The following CEP20 variants were observed in gnomAD, a reference collection of about 807,000 sequenced individuals.
CEP20 encodes the protein FGFR1OP N-terminal like.
Under a neutral mutation model 20.0 loss-of-function variants are expected in CEP20, and 18 were observed. The observed-to-expected ratio is 0.90, with a 90% confidence interval of 0.62 to 1.34. The LOEUF is 1.34. Ranked by LOEUF, CEP20 falls within the 40% of genes most tolerant of loss-of-function variation. CEP20 has a pLI of 0.00. For synonymous variants in CEP20, 77 were observed against 73.7 expected, an observed-to-expected ratio of 1.04 and a Z score of -0.23; for missense variants, 215 against 201.6, an observed-to-expected ratio of 1.07 and a Z score of -0.40.
chr16:15,877,096 C>A (rs1157850691), intron 3 of CEP20: 1 of 152,298 alleles, frequency 6.6e-6, no homozygotes, highest in Admixed American at 6.5e-5. Context: ...TCGTGATCTG[C>A]CCGCCTCGGC....
chr16:15,877,723 G>GGCT (rs2044989384), intron 3 of CEP20, among the ~76,000 whole-genome samples: 2 of 152,112 alleles, frequency 1.3e-5, no homozygotes, highest in Non-Finnish European at 2.9e-5. Flanking sequence ...GCTGCAGTGA[G>GGCT]CCATGATCAA....
intron 2 of CEP20, chr16:15,882,854 T>A (rs1364988474): frequency 7.6e-6 from 1 of 131,822 alleles, no homozygotes; most frequent in African/African-American, 2.9e-5. Flanking sequence ...GTTTTTTTTC[T>A]TTTAAGAGAC....
chr16:15,872,187 G>A (rs938931549), intron 4 of CEP20, among the ~76,000 whole-genome samples: 3 of 151,970 alleles, frequency 2.0e-5, no homozygotes, highest in South Asian at 4.1e-4. Context: ...GGTGATGGGC[G>A]CCTGTAGTCC....
intron 1 of CEP20, among the ~76,000 whole-genome samples, chr16:15,885,350 C>A (rs549912063): frequency 6.6e-6 from 1 of 151,844 alleles, no homozygotes; most frequent in African/African-American, 2.4e-5. Context: ...AAACACAAAC[C>A]TTTGATAATC....
In CEP20 at chr16:15,879,908, G is replaced by A. The variant is rs2045059813; in HGVS notation, c.227-20C>T. ...CAGATTCTGGGAGAAATAAATTCAT[G>A]AGAACACTCAGTCTATTAAACTAAA... On this transcript the variant is annotated intron_variant, in intron 2 of 4. Transcript: ENST00000255759. 2 of 1,502,146 alleles carry A rather than the reference G, an allele frequency of 1.3e-6. No homozygotes were observed. Among genetic ancestry groups the A allele is most frequent in the Admixed American group, 2.1e-5 (1 of 48,582 alleles). The allele number at this position is 1,502,146 out of a possible 1,614,324, so 93.1% of individuals were successfully genotyped here.
chr16:15,879,865 A>G lies in CEP20; in HGVS notation c.250T>C (p.Leu84=). The G allele has an allele frequency of 1.3e-6, 2 of 1,570,586 alleles. No individual in the cohort carries two copies. The highest frequency in any genetic ancestry group is 1.7e-4 in the Middle Eastern group (1 of 5,988). The part of the protein sequence containing the change: ...IAESGQPVVP[L]DRQFLIHELN... ...TCATGGATGAGAAACTGTCTGTCCA[A>G]CGGAACTACAGGTTGACCAGATTCT... The change falls in exon 3 of 5, where the codon TTG becomes CTG. Residue 84 remains leucine, a synonymous_variant. Coordinates refer to ENST00000255759, the MANE Select transcript of CEP20 (RefSeq NM_144600.4).
intron 4 of CEP20, among the ~76,000 whole-genome samples, chr16:15,870,361 G>A (rs2044784668): frequency 1.3e-5 from 2 of 152,072 alleles, no homozygotes; most frequent in African/African-American, 4.8e-5. Flanking sequence ...AACTCATATT[G>A]TCATATATTC....
chr16:15,884,728 T>A (rs1010052044), intron 1 of CEP20, among the ~76,000 whole-genome samples: 11 of 152,032 alleles, frequency 7.2e-5, no homozygotes, highest in Admixed American at 1.3e-4. Context: ...ATGGTCTCAA[T>A]CTCCTGACCT....
At chr16:15,880,007 C>T (rs1567239684) in intron 2 of CEP20, 119 bp from the exon 3 acceptor site, 8 of 685,174 alleles carry the variant, frequency 1.2e-5, no homozygotes, top group Non-Finnish European at 1.7e-5. Context: ...ATGATGACAA[C>T]ACACACCAAG....
At chr16:15,884,508 A>AT (rs1597010386) in intron 1 of CEP20, among the ~76,000 whole-genome samples, 1 of 148,514 alleles carries the variant, frequency 6.7e-6, no homozygotes, top group Non-Finnish European at 1.5e-5. Flanking sequence ...TATTTTATTT[A>AT]TTATTTTTTT....
rs189903085 is a variant in CEP20, at chr16:15,867,607, T to C, written c.449-91A>G. On this transcript the variant is annotated intron_variant, in intron 4 of 4. Transcript: ENST00000255759. ...GCTACAAATATCTTAGGATGTTACA[T>C]ATTTAATATTCTATGAGTACTTTAG... The C allele has an allele frequency of 3.7e-4, 290 of 793,246 alleles. 1 individual carries two copies. In the African/African-American group the frequency reaches 4.2e-3, roughly 11 times the overall value. The allele number at this position is 793,246 out of a possible 1,614,324, so 49.1% of individuals were successfully genotyped here. A position where few individuals can be genotyped will look rare whatever the true frequency, so the allele number is the denominator to read the frequency against.
chr16:15,878,435 G>A (rs1178634549), intron 3 of CEP20, among the ~76,000 whole-genome samples: 2 of 151,980 alleles, frequency 1.3e-5, no homozygotes, highest in Admixed American at 1.3e-4. Flanking sequence ...ATTTGTGGGA[G>A]AGTTAGATTT....
intron 2 of CEP20, 29 bp from the exon 3 acceptor site, chr16:15,879,917 C>G (rs12598817): frequency 0.058 from 83,059 of 1,442,802 alleles, 3,113 homozygotes; most frequent in East Asian, 0.19. Flanking sequence ...TGAGAACACT[C>G]AGTCTATTAA....
intron 1 of CEP20, among the ~76,000 whole-genome samples, chr16:15,887,735 G>C (rs1211532895): frequency 1.3e-5 from 2 of 152,056 alleles, no homozygotes; most frequent in Non-Finnish European, 2.9e-5. Context: ...AACATAACTA[G>C]CTTAGAGTAT....
chr16:15,883,240 G>C (rs1476283910), intron 2 of CEP20, among the ~76,000 whole-genome samples: 1 of 152,092 alleles, frequency 6.6e-6, no homozygotes, highest in East Asian at 1.9e-4. Context: ...GCATGCACCT[G>C]TGGTCCCAGC....
chr16:15,866,634 G>A lies in CEP20; in HGVS notation c.*806C>T, dbSNP rs1479111922. 1 of 152,158 alleles carries A rather than the reference G, an allele frequency of 6.6e-6. No individual in the cohort carries two copies. Among genetic ancestry groups the A allele is most frequent in the Non-Finnish European group, 1.5e-5 (1 of 68,024 alleles). The allele number at this position is 152,158 out of a possible 1,614,324, so 9.4% of individuals were successfully genotyped here. ...GGCTCATCTGTGATTGCACAACCGA[G>A]GGCCACACGGAGATTAAACAATGCC... On this transcript the variant is annotated 3_prime_UTR_variant, in exon 5 of 5. Transcript: ENST00000255759.
At chr16:15,887,007 T>G (rs1031364049) in intron 1 of CEP20, among the ~76,000 whole-genome samples, 3 of 151,850 alleles carry the variant, frequency 2.0e-5, no homozygotes, top group Non-Finnish European at 4.4e-5. Context: ...CAAGCTATCT[T>G]CCTGTTTCAG....
intron 4 of CEP20, among the ~76,000 whole-genome samples, chr16:15,868,801 A>G (rs1289344976): frequency 6.6e-6 from 1 of 152,228 alleles, no homozygotes; most frequent in African/African-American, 2.4e-5. Flanking sequence ...TAACAATTTT[A>G]GGTCTTCTAG....
chr16:15,888,406 A>T, intron 1 of CEP20, 152 bp downstream of exon 1: 1 of 1,061,084 alleles, frequency 9.4e-7, no homozygotes, highest in Non-Finnish European at 1.4e-6. Context: ...GGGCCAAGAC[A>T]GCAGCCAGAC....
Sources: allele counts gnomAD v4.1 joint callset (sites outside exome capture counted in the v4.1 genomes callset), GRCh38; gene constraint gnomAD v4.1.1; transcripts MANE v1.5; gene names NCBI Gene and HGNC (gene_info 2026-07-23, HGNC 2026-07-21).